The following RIMS2 variants were observed in gnomAD, a reference collection of about 807,000 sequenced individuals.
RIMS2 encodes regulating synaptic membrane exocytosis protein 2.
Under a neutral mutation model 174.4 loss-of-function variants are expected in RIMS2, and 59 were observed. The observed-to-expected ratio is 0.34, with a 90% CI of 0.27 to 0.42. The LOEUF is 0.42. Ranked by LOEUF, RIMS2 falls within the 10% of genes least tolerant of loss-of-function variation. RIMS2 has a pLI of 1.00. For synonymous variants in RIMS2, 606 were observed against 572.5 expected (o/e 1.06, Z -0.84); for missense variants, 1,620 against 1,666.3 (o/e 0.97, Z 0.48).
At position 103,897,306 on chromosome 8, in the gene RIMS2, G is replaced by C. The variant is rs115441115; in HGVS notation, c.1624+11083G>C. Among the ~76,000 whole-genome samples, 1,324 of 151,792 alleles carry C rather than the reference G, an allele frequency of 8.7e-3. 62 individuals carry two copies. Among genetic ancestry groups the C allele is most frequent in the African/African-American group, 0.03 (1,250 of 41,158 alleles). Reference sequence around the variant, plus strand: ...TTCAGGGCCACTCTTGAATAGGGCTGTGGTACAGCACCAGTCTACTTTTGG... The same window carrying C: ...TTCAGGGCCACTCTTGAATAGGGCTCTGGTACAGCACCAGTCTACTTTTGG... On this transcript the variant is annotated intron_variant, in intron 4 of 23. Transcript: ENST00000504942.
chr8:103,830,310 CTGTA>C (rs1254321444), intron 3 of RIMS2, among the ~76,000 whole-genome samples: 2 of 152,046 alleles, frequency 1.3e-5, no homozygotes, highest in Non-Finnish European at 2.9e-5. Context: ...GAAGGTGGAA[CTGTA>C]TGATTTCTTC....
At chr8:103,731,604 A>G (rs568678570) in intron 2 of RIMS2, among the ~76,000 whole-genome samples, 29 of 152,214 alleles carry the variant, frequency 1.9e-4, no homozygotes, top group African/African-American at 7.0e-4. Context: ...TATTTTCTAA[A>G]TCTTGTAGTC....
In RIMS2 at chr8:103,921,045, CAAA is replaced by C. The variant is rs201135433; in HGVS notation, c.2084-624_2084-622del. ...ACAACAACAACAACAACAACAACAA[CAAA>C]AACAGGTCTTCCCCAGTGTTCTGAA... On this transcript the variant is annotated intron_variant, in intron 9 of 23. Transcript: ENST00000504942. The C allele has an allele frequency of 4.5e-3, 936 of 207,128 alleles. 9 individuals carry two copies. Among genetic ancestry groups the C allele is most frequent in the South Asian group, 0.014 (222 of 15,364 alleles). The allele number at this position is 207,128 out of a possible 1,614,324, so 12.8% of individuals were successfully genotyped here. A position where few individuals can be genotyped will look rare whatever the true frequency, so the allele number is the denominator to read the frequency against.
At chr8:103,839,075 G>A (rs1195089947) in intron 3 of RIMS2, among the ~76,000 whole-genome samples, 4 of 152,002 alleles carry the variant, frequency 2.6e-5, no homozygotes, top group South Asian at 2.1e-4. Flanking sequence ...AAAAAAAAAG[G>A]CCTATTAATC....
intron 13 of RIMS2, among the ~76,000 whole-genome samples, chr8:103,937,015 G>T (rs1292465890): frequency 1.3e-5 from 2 of 151,850 alleles, no homozygotes; most frequent in Non-Finnish European, 2.9e-5. Flanking sequence ...GGAGAATGGC[G>T]TGAGCCCGGG....
intron 3 of RIMS2, among the ~76,000 whole-genome samples, chr8:103,822,589 G>A (rs747170165): frequency 3.3e-5 from 5 of 151,808 alleles, no homozygotes; most frequent in Non-Finnish European, 5.9e-5. Flanking sequence ...TACTGAAAGT[G>A]TTTAGCTTAT....
chr8:103,534,751 G>C (rs1307892655), intron 1 of RIMS2, among the ~76,000 whole-genome samples: 3 of 152,100 alleles, frequency 2.0e-5, no homozygotes, highest in Non-Finnish European at 4.4e-5. Context: ...CAGTAGACCT[G>C]TATTATTACA....
rs561238405 is a variant in RIMS2, at chr8:103,608,345, C to A, written c.177-88741C>A. Among the ~76,000 whole-genome samples the A allele has an allele frequency of 2.1e-5, 3 of 143,664 alleles. 1 individual carries two copies. The highest frequency in any genetic ancestry group is 4.6e-5 in the Non-Finnish European group (3 of 65,360). 94.2% of individuals were successfully genotyped at this position (143,664 alleles called of 152,430 possible). ...GGACCCACTTGAGGAGGCAGTCTGC[C>A]CGTTCTCAGATCTCCAGCTGCGTAC... On this transcript the variant is annotated intron_variant, in intron 1 of 23. Transcript: ENST00000504942.
intron 19 of RIMS2, among the ~76,000 whole-genome samples, chr8:104,090,600 A>G (rs946660602): frequency 1.3e-5 from 2 of 151,742 alleles, no homozygotes; most frequent in African/African-American, 4.8e-5. Context: ...AAAATGAGGC[A>G]TGTTCTATGT....
chr8:103,896,290 G>A (rs1231590515), intron 4 of RIMS2, among the ~76,000 whole-genome samples: 1 of 151,600 alleles, frequency 6.6e-6, no homozygotes. Context: ...TCTTCTGGTA[G>A]CAAAAAAGCT....
At chr8:103,786,281 T>C (rs58858789) in intron 3 of RIMS2, among the ~76,000 whole-genome samples, 23,832 of 152,062 alleles carry the variant, frequency 0.16, 1,971 homozygotes, top group Middle Eastern at 0.24. Context: ...TCAGTTCTCC[T>C]CTGATTTTAG....
intron 19 of RIMS2, among the ~76,000 whole-genome samples, chr8:104,187,862 C>T (rs2098976334): frequency 6.6e-6 from 1 of 151,574 alleles, no homozygotes; most frequent in Non-Finnish European, 1.5e-5. Flanking sequence ...ACAGTGGATA[C>T]TTTTCAAGAT....
intron 19 of RIMS2, among the ~76,000 whole-genome samples, chr8:104,024,241 C>A (rs1016753111): frequency 6.6e-6 from 1 of 152,162 alleles, no homozygotes; most frequent in Non-Finnish European, 1.5e-5. Context: ...TGCCACGTGG[C>A]CTCGAACCTT....
At chr8:103,926,451 A>AAGAGAC (rs1268372657) in intron 10 of RIMS2, among the ~76,000 whole-genome samples, 3 of 151,436 alleles carry the variant, frequency 2.0e-5, no homozygotes, top group Non-Finnish European at 1.5e-5. Context: ...TTGGTTTTGA[A>AAGAGAC]AGAGACAGAG....
chr8:104,058,779 C>T (rs906153239), intron 19 of RIMS2, among the ~76,000 whole-genome samples: 3 of 152,194 alleles, frequency 2.0e-5, no homozygotes, highest in Non-Finnish European at 1.5e-5. Context: ...TTTCAGCTTT[C>T]TACGTATGGC....
chr8:104,125,296 G>GA (rs2098419713), intron 19 of RIMS2, among the ~76,000 whole-genome samples: 1 of 152,194 alleles, frequency 6.6e-6, no homozygotes, highest in African/African-American at 2.4e-5. Context: ...CACTTCAAGA[G>GA]AGACAGCACA....
At chr8:103,539,580 A>C (rs1841553410) in intron 1 of RIMS2, among the ~76,000 whole-genome samples, 1 of 152,202 alleles carries the variant, frequency 6.6e-6, no homozygotes, top group African/African-American at 2.4e-5. Context: ...TATATTGTTG[A>C]AACCACCATC....
At chr8:104,145,714 T>TAAATAAA (rs1566672612) in intron 19 of RIMS2, among the ~76,000 whole-genome samples, 10 of 150,896 alleles carry the variant, frequency 6.6e-5, no homozygotes, top group Admixed American at 1.3e-4. Context: ...AATAAATAAA[T>TAAATAAA]TCGCCGGACA....
At chr8:103,501,831 G>A (rs1238382092) in intron 1 of RIMS2, among the ~76,000 whole-genome samples, 1 of 152,188 alleles carries the variant, frequency 6.6e-6, no homozygotes, top group African/African-American at 2.4e-5. Flanking sequence ...CACGGTCTTG[G>A]CAGGCCGGGT....
Sources: gnomAD v4.1 joint callset for allele counts (sites outside exome capture counted in the v4.1 genomes callset) on GRCh38, gnomAD v4.1.1 for gene constraint, MANE v1.5 for transcripts, NCBI Gene and HGNC (gene_info 2026-07-23, HGNC 2026-07-21) for gene names.